DPYD: variants seen among roughly 807,000 people sequenced by gnomAD.
DPYD encodes the protein dihydropyrimidine dehydrogenase [NADP(+)].
Under a neutral mutation model 116.2 loss-of-function variants are expected in DPYD, and 109 were observed. The ratio of observed to expected loss-of-function variants is 0.94; its 90% CI spans 0.80 to 1.10. DPYD has a LOEUF of 1.10. DPYD is among the 50% of genes least tolerant of loss of function. The pLI is 0.00. For synonymous variants in DPYD, 440 were observed against 432.0 expected, an observed-to-expected ratio of 1.02 and a Z score of -0.23; for missense variants, 1,302 against 1,254.5, an observed-to-expected ratio of 1.04 and a Z score of -0.57.
intron 2 of DPYD, among the ~76,000 whole-genome samples, 160 bp from the exon 3 acceptor site, chr1:97,828,356 T>A (rs1243527075): frequency 1.3e-5 from 2 of 152,078 alleles, no homozygotes; most frequent in African/African-American, 4.8e-5. Context: ...GACAGTTAAA[T>A]CCAACAGTAA....
chr1:97,752,425 T>C (rs925466883), intron 3 of DPYD, among the ~76,000 whole-genome samples: 2 of 152,328 alleles, frequency 1.3e-5, no homozygotes, highest in African/African-American at 2.4e-5. Flanking sequence ...GGATAATTTA[T>C]TCAGCACGAA....
At chr1:97,138,941 T>C (rs759517130) in intron 20 of DPYD, among the ~76,000 whole-genome samples, 2 of 152,130 alleles carry the variant, frequency 1.3e-5, no homozygotes, top group Non-Finnish European at 2.9e-5. Flanking sequence ...TCCACCCTCA[T>C]AACAAAGGCT....
intron 12 of DPYD, among the ~76,000 whole-genome samples, chr1:97,548,262 T>C (rs1402903324): frequency 1.3e-5 from 2 of 152,168 alleles, no homozygotes; most frequent in Non-Finnish European, 2.9e-5. Context: ...TATCTACATT[T>C]AATTAAATCA....
intron 20 of DPYD, among the ~76,000 whole-genome samples, chr1:97,130,317 G>A (rs1297574761): frequency 6.6e-6 from 1 of 152,168 alleles, no homozygotes; most frequent in Admixed American, 6.6e-5. Context: ...TATCAGAGAT[G>A]TGGTTCTAGA....
chr1:97,549,431 T>C (rs1651147528), intron 12 of DPYD, 129 bp downstream of exon 12: 10 of 1,031,806 alleles, frequency 9.7e-6, no homozygotes, highest in Non-Finnish European at 1.3e-5. Flanking sequence ...TATCCAAGTA[T>C]GTACGTGACA....
At chr1:97,517,872 A>C (rs893828139) in intron 12 of DPYD, among the ~76,000 whole-genome samples, 2 of 152,088 alleles carry the variant, frequency 1.3e-5, no homozygotes, top group African/African-American at 4.8e-5. Context: ...GTGAACTTAC[A>C]AGTATTCTTC....
rs1157518065 is a variant in DPYD at position 97,546,070 on chromosome 1, T to TA, written c.1524+3489dup. The TA allele has an allele frequency of 4.3e-6, 6 of 1,404,328 alleles. No individual in the cohort carries two copies. The African/African-American group carries it at 8.5e-5, about 20-fold the overall frequency. 87.0% of individuals were successfully genotyped at this position (1,404,328 alleles called of 1,614,324 possible). A position where few individuals can be genotyped will look rare whatever the true frequency, so the allele number is the denominator to read the frequency against. ...GATGAAGACAGCAACAACATCACAG[T>TA]AGGATCCTTAGTTACAGTGCTGGTT... On this transcript the variant is annotated intron_variant, in intron 12 of 22. Transcript: ENST00000370192.
chr1:97,754,603 C>T (rs1665128086), intron 3 of DPYD, among the ~76,000 whole-genome samples: 1 of 152,156 alleles, frequency 6.6e-6, no homozygotes. Context: ...TCTTTGTTTT[C>T]TTCTTTCCTT....
chr1:97,283,582 G>T (rs12059341), intron 18 of DPYD, among the ~76,000 whole-genome samples: 20 of 151,906 alleles, frequency 1.3e-4, no homozygotes, highest in Admixed American at 1.3e-3. Context: ...TGAACTAAAT[G>T]CCATATTATG....
At chr1:97,241,908 A>G (rs1662359636) in intron 18 of DPYD, among the ~76,000 whole-genome samples, 1 of 151,526 alleles carries the variant, frequency 6.6e-6, no homozygotes, top group Admixed American at 6.6e-5. Flanking sequence ...ACATTCAGCT[A>G]TAACACATAT....
chr1:97,118,644 G>A (rs1652172933), intron 20 of DPYD, among the ~76,000 whole-genome samples: 1 of 152,104 alleles, frequency 6.6e-6, no homozygotes, highest in African/African-American at 2.4e-5. Context: ...GGAGATTCAG[G>A]TTCTAGGGCT....
chr1:97,450,644 A>G (rs557657645), intron 13 of DPYD, among the ~76,000 whole-genome samples: 4 of 151,924 alleles, frequency 2.6e-5, no homozygotes, highest in Non-Finnish European at 5.9e-5. Context: ...TAAAAAGTTT[A>G]TATTTTTTTT....
intron 8 of DPYD, among the ~76,000 whole-genome samples, chr1:97,662,404 G>A (rs544416637): frequency 2.0e-5 from 3 of 151,752 alleles, no homozygotes; most frequent in South Asian, 2.1e-4. Flanking sequence ...AGGCTGAGGC[G>A]GGCAAATGAC....
chr1:97,687,363 C>A (rs759972550), intron 7 of DPYD, among the ~76,000 whole-genome samples: 1 of 151,842 alleles, frequency 6.6e-6, no homozygotes, highest in Non-Finnish European at 1.5e-5. Flanking sequence ...GGCCAACAAA[C>A]AAACATGAAA....
chr1:97,681,975 T>C (rs1660450347), intron 7 of DPYD, among the ~76,000 whole-genome samples: 1 of 152,108 alleles, frequency 6.6e-6, no homozygotes, highest in Non-Finnish European at 1.5e-5. Flanking sequence ...CAAGAAGACC[T>C]CCCATCCTTT....
At position 97,672,909 on chromosome 1, in the gene DPYD, A is replaced by C. The variant is rs74105274; in HGVS notation, c.850+6186T>G. Among the ~76,000 whole-genome samples, 564 of 152,278 alleles carry C rather than the reference A, an allele frequency of 3.7e-3. 8 individuals are homozygous for C. Among genetic ancestry groups the C allele is most frequent in the African/African-American group, 0.013 (549 of 41,562 alleles). ...TATTTGGGAATCTTCACATTTAAAA[A>C]AATATTATTTTCTGATGGTAACTAA... On this transcript the variant is annotated intron_variant, in intron 8 of 22. Transcript: ENST00000370192.
At chr1:97,161,081 C>G (rs1655861503) in intron 20 of DPYD, among the ~76,000 whole-genome samples, 1 of 152,098 alleles carries the variant, frequency 6.6e-6, no homozygotes, top group Non-Finnish European at 1.5e-5. Context: ...CTTGAATTGG[C>G]TGATTTGGAA....
intron 2 of DPYD, among the ~76,000 whole-genome samples, chr1:97,859,449 G>A (rs932250502): frequency 7.2e-5 from 11 of 152,188 alleles, no homozygotes; most frequent in East Asian, 1.9e-4. Context: ...CCTTTGTTTC[G>A]GGTTAAAAGT....
At chr1:97,568,908 A>G (rs2102164282) in intron 11 of DPYD, among the ~76,000 whole-genome samples, 1 of 151,658 alleles carries the variant, frequency 6.6e-6, no homozygotes, top group African/African-American at 2.4e-5. Flanking sequence ...TTATAGGATA[A>G]TTTGAAAATA....
Sources: allele counts gnomAD v4.1 joint callset (sites outside exome capture counted in the v4.1 genomes callset), GRCh38; gene constraint gnomAD v4.1.1; transcripts MANE v1.5; gene names NCBI Gene and HGNC (gene_info 2026-07-23, HGNC 2026-07-21).